Variants in SYT1 observed in about 807,000 individuals in gnomAD.
SYT1 encodes synaptotagmin 1.
Under a neutral mutation model 44.8 loss-of-function variants are expected in SYT1, and 8 were observed. The ratio of observed to expected loss-of-function variants is 0.18; its 90% CI spans 0.10 to 0.32. SYT1 has a LOEUF of 0.32. SYT1 is among the 10% of genes least tolerant of loss of function. SYT1 has a pLI of 1.00. For missense variants in SYT1, 286 were observed against 509.3 expected (o/e 0.56, Z 4.22); for synonymous variants, 154 against 188.8 (o/e 0.82, Z 1.51).
intron 3 of SYT1, among the ~76,000 whole-genome samples, chr12:79,050,127 T>G (rs1402647079): frequency 1.3e-5 from 2 of 151,748 alleles, no homozygotes; most frequent in Non-Finnish European, 2.9e-5. Flanking sequence ...ACATAAATAG[T>G]TGATTAATTC....
chr12:79,243,829 G>A (rs1021046746), intron 4 of SYT1, among the ~76,000 whole-genome samples: 6 of 151,256 alleles, frequency 4.0e-5, no homozygotes, highest in African/African-American at 1.2e-4. Flanking sequence ...AAGGAAAAAA[G>A]AGAGGAAGAA....
intron 1 of SYT1, among the ~76,000 whole-genome samples, chr12:78,977,139 C>A (rs551593007): frequency 6.6e-6 from 1 of 151,420 alleles, no homozygotes; most frequent in Non-Finnish European, 1.5e-5. Flanking sequence ...GAAGGGAACC[C>A]GAAAGGGCAA....
At chr12:79,419,366 C>A (rs769528403) in intron 9 of SYT1, 4 of 461,722 alleles carry the variant, frequency 8.7e-6, no homozygotes, top group South Asian at 6.3e-5. Context: ...TCCACTGCAC[C>A]CTTTCTCCAT....
At chr12:79,072,947 A>G (rs1478339869) in intron 3 of SYT1, among the ~76,000 whole-genome samples, 1 of 152,148 alleles carries the variant, frequency 6.6e-6, no homozygotes, top group Non-Finnish European at 1.5e-5. Flanking sequence ...GGGATGAATA[A>G]TAGATAAACA....
chr12:79,117,287 T>C (rs1879326925), intron 3 of SYT1, among the ~76,000 whole-genome samples: 1 of 152,138 alleles, frequency 6.6e-6, no homozygotes, highest in Non-Finnish European at 1.5e-5. Context: ...GTTTTCACTT[T>C]GCATTTCTCT....
intron 3 of SYT1, among the ~76,000 whole-genome samples, chr12:79,194,035 A>G (rs897962298): frequency 3.9e-5 from 6 of 152,196 alleles, no homozygotes; most frequent in Admixed American, 2.6e-4. Flanking sequence ...ATTCCTGCTA[A>G]GCACTGCAAC....
intron 2 of SYT1, among the ~76,000 whole-genome samples, chr12:78,988,924 C>G (rs1235540722): frequency 1.3e-5 from 2 of 152,016 alleles, no homozygotes; most frequent in Non-Finnish European, 2.9e-5. Context: ...GAGGCAGCTA[C>G]CAGAGTTGGT....
chr12:79,327,763 GA>G (rs1483082614), intron 8 of SYT1, among the ~76,000 whole-genome samples: 1 of 152,198 alleles, frequency 6.6e-6, no homozygotes, highest in Non-Finnish European at 1.5e-5. Flanking sequence ...GAGTTCAGAA[GA>G]GATGGTCAGA....
At chr12:79,315,731 T>C (rs1233186824) in intron 8 of SYT1, among the ~76,000 whole-genome samples, 4 of 152,154 alleles carry the variant, frequency 2.6e-5, no homozygotes, top group Non-Finnish European at 4.4e-5. Context: ...TCTATTGATA[T>C]AAGGGCAGTA....
chr12:79,060,240 C>A (rs943020212), intron 3 of SYT1, among the ~76,000 whole-genome samples: 2 of 152,072 alleles, frequency 1.3e-5, no homozygotes, highest in Non-Finnish European at 2.9e-5. Context: ...CGTCCCCAAA[C>A]AAAACCTACG....
intron 1 of SYT1, among the ~76,000 whole-genome samples, chr12:78,945,825 A>G (rs890261125): frequency 6.6e-6 from 1 of 152,154 alleles, no homozygotes; most frequent in African/African-American, 2.4e-5. Context: ...CCCATAGCCA[A>G]CATGCCTCAC....
chr12:78,871,261 A>C (rs557456296), intron 1 of SYT1, among the ~76,000 whole-genome samples: 24 of 152,032 alleles, frequency 1.6e-4, no homozygotes, highest in Non-Finnish European at 2.9e-5. Context: ...TGCTTTTAGG[A>C]TAGATTATTA....
intron 1 of SYT1, among the ~76,000 whole-genome samples, chr12:78,930,418 G>T (rs932114243): frequency 1.3e-5 from 2 of 151,880 alleles, no homozygotes; most frequent in Non-Finnish European, 2.9e-5. Flanking sequence ...TAGCTATTCA[G>T]TGCTGAAAGT....
chr12:79,226,569 A>G (rs1413358896), intron 4 of SYT1, among the ~76,000 whole-genome samples: 1 of 152,146 alleles, frequency 6.6e-6, no homozygotes, highest in Non-Finnish European at 1.5e-5. Context: ...AAAAAATATT[A>G]TGTTGCTAGC....
chr12:79,173,315 T>C (rs1273098914), intron 3 of SYT1, among the ~76,000 whole-genome samples: 1 of 152,004 alleles, frequency 6.6e-6, no homozygotes, highest in Non-Finnish European at 1.5e-5. Flanking sequence ...TCTTAGGAGG[T>C]AGGCAGATGG....
At chr12:79,065,902 G>T (rs1018773125) in intron 3 of SYT1, among the ~76,000 whole-genome samples, 1 of 151,968 alleles carries the variant, frequency 6.6e-6, no homozygotes, top group Non-Finnish European at 1.5e-5. Flanking sequence ...AAATTACGGG[G>T]GGGAAGGGAA....
chr12:79,190,576 G>C (rs931590332), intron 3 of SYT1, among the ~76,000 whole-genome samples: 1 of 152,102 alleles, frequency 6.6e-6, no homozygotes, highest in African/African-American at 2.4e-5. Flanking sequence ...GTACTCCACA[G>C]CACCGGCGCC....
At chr12:79,131,895 G>A (rs1170635478) in intron 3 of SYT1, among the ~76,000 whole-genome samples, 1 of 152,216 alleles carries the variant, frequency 6.6e-6, no homozygotes, top group Non-Finnish European at 1.5e-5. Flanking sequence ...AGAGAAGACA[G>A]AGGAGGCAGG....
At chr12:78,891,147 C>T (rs1875030913) in intron 1 of SYT1, among the ~76,000 whole-genome samples, 2 of 151,756 alleles carry the variant, frequency 1.3e-5, no homozygotes, top group Admixed American at 6.6e-5. Context: ...ACAAAATGAG[C>T]TCTTGATATG....
Sources: allele counts gnomAD v4.1 joint callset (sites outside exome capture counted in the v4.1 genomes callset), GRCh38; gene constraint gnomAD v4.1.1; transcripts MANE v1.5; gene names NCBI Gene and HGNC (gene_info 2026-07-23, HGNC 2026-07-21).